The following CEP104 variants were observed in gnomAD, a reference collection of about 807,000 sequenced individuals.
The protein encoded by CEP104 is centrosomal protein of 104 kDa.
In CEP104, 84 loss-of-function variants were observed where a neutral mutation model predicts 113.3. The ratio of observed to expected loss-of-function variants is 0.74; its 90% CI spans 0.62 to 0.89. The LOEUF (loss-of-function observed/expected upper bound fraction) is 0.89. Among genes scored for constraint, CEP104 ranks in the 40% least tolerant of loss-of-function variants. The pLI is 0.00. For synonymous variants in CEP104, 378 were observed against 421.7 expected (o/e 0.90, Z 1.27); for missense variants, 1,053 against 1,156.6 (o/e 0.91, Z 1.30).
In CEP104 at chr1:3,843,068, G is replaced by A. The variant is rs115705892; in HGVS notation, c.566+1839C>T. The A allele has an allele frequency of 2.1e-3, 1,159 of 545,648 alleles. 10 individuals are homozygous for A. The highest frequency in any genetic ancestry group is 0.02 in the African/African-American group (1,012 of 50,178). The allele number at this position is 545,648 out of a possible 1,614,324, so 33.8% of individuals were successfully genotyped here. On this transcript the variant is annotated intron_variant, in intron 6 of 21. Transcript: ENST00000378230. The stretch of plus-strand genomic sequence containing the variant: ...CTCCCAAAGTGCTGGGATTACAGGC[G>A]TGCGACATAACGCTCAGCCTAAAAA...
In CEP104 at chr1:3,829,794, C is replaced by T; in HGVS notation, c.2040G>A (p.Met680Ile). ...AACTTCACCAAAGTTAACTCACCCTCATCTCAGCATCTGTAGCTCTGCCAT... is the reference window on the plus strand; with the variant it reads ...AACTTCACCAAAGTTAACTCACCCTTATCTCAGCATCTGTAGCTCTGCCAT... ...KIDGRATDAE[M>I]RARRKAATEE... is the part of the protein sequence containing the mutation. Residue 680 changes from methionine (M) to isoleucine (I), a missense_variant, in exon 14 of 22, where the codon ATG (methionine) becomes ATA (isoleucine). Transcript: ENST00000378230. The T allele has an allele frequency of 6.2e-7, 1 of 1,613,980 alleles. No homozygotes were observed. The highest frequency in any genetic ancestry group is 1.7e-5 in the Admixed American group (1 of 60,030).
chr1:3,822,853 A>G (rs1245152481), intron 20 of CEP104: 2 of 266,664 alleles, frequency 7.5e-6, no homozygotes, highest in Admixed American at 4.8e-5. Context: ...GATGTCACTG[A>G]GGGTCTCATT....
At position 3,831,152 on chromosome 1, in the gene CEP104, G is replaced by T; in HGVS notation, c.1730C>A (p.Ala577Glu). The T allele has an allele frequency of 6.2e-7, 1 of 1,614,242 alleles. No homozygotes were observed. Among genetic ancestry groups the T allele is most frequent in the Non-Finnish European group, 8.5e-7 (1 of 1,180,036 alleles). ...CATTGCCAGGTGAACTGAAGAGTTT[G>T]CTTTCAATGGCTGCACCAGGTAGGA... Reference protein sequence around the residue: ...IPSYLVQPLKANSSVHLAMSQ... With the variant: ...IPSYLVQPLKENSSVHLAMSQ... The change falls in exon 13 of 22, where the codon GCA becomes GAA. Residue 577 changes from alanine (A) to glutamate (E), a missense_variant. Coordinates refer to ENST00000378230, the MANE Select transcript of CEP104 (RefSeq NM_014704.4).
At chr1:3,835,429 G>A (rs1469798228) in intron 10 of CEP104, among the ~76,000 whole-genome samples, 1 of 152,208 alleles carries the variant, frequency 6.6e-6, no homozygotes, top group Non-Finnish European at 1.5e-5. Context: ...AGGCTGGAGT[G>A]CAGTGGCTCG....
intron 12 of CEP104, among the ~76,000 whole-genome samples, chr1:3,832,743 G>C (rs1644240526): frequency 6.6e-6 from 1 of 152,182 alleles, no homozygotes; most frequent in Non-Finnish European, 1.5e-5. Flanking sequence ...AGAGTACAGT[G>C]GCGAGATCAC....
At chr1:3,853,148 T>C (rs569711351) in intron 1 of CEP104, among the ~76,000 whole-genome samples, 73 of 152,202 alleles carry the variant, frequency 4.8e-4, no homozygotes, top group Non-Finnish European at 9.4e-4. Context: ...TAATTAGTTA[T>C]ACAATACCAA....
At chr1:3,816,142 A>G in intron 21 of CEP104, 138 bp downstream of exon 21, 2 of 684,250 alleles carry the variant, frequency 2.9e-6, no homozygotes, top group Non-Finnish European at 4.7e-6. Flanking sequence ...GAACCAGAAC[A>G]TGAAGACAGG....
At position 3,813,135 on chromosome 1, in the gene CEP104, A is replaced by T. The variant is rs1464149193; in HGVS notation, c.*2267T>A. ...AGAAGTGTTTTGTCTGTATTTTAAA[A>T]ATGGATTAGAAAATAATGGCCAACA... On this transcript the variant is annotated 3_prime_UTR_variant, in exon 22 of 22. Transcript: ENST00000378230. 2 of 152,170 alleles carry T rather than the reference A, an allele frequency of 1.3e-5. No individual in the cohort carries two copies. Among genetic ancestry groups the T allele is most frequent in the African/African-American group, 4.8e-5 (2 of 41,454 alleles). 9.4% of individuals were successfully genotyped at this position (152,170 alleles called of 1,614,324 possible).
rs754082531 is a variant in CEP104 at position 3,836,650 on chromosome 1, G to A, written c.1162C>T (p.Arg388Cys). The A allele has an allele frequency of 5.0e-6, 8 of 1,613,658 alleles. No homozygotes were observed. The highest frequency in any genetic ancestry group is 2.2e-5 in the South Asian group (2 of 91,056). Reference sequence around the variant, plus strand: ...ACCACTGCCTCCCCATAATGCTTACGAATAGCTGGAAGAGGCCGCTCATCG... The same window carrying A: ...ACCACTGCCTCCCCATAATGCTTACAAATAGCTGGAAGAGGCCGCTCATCG... ...PYDERPLPAI[R>C]KHYGEAVVEP... The change falls in exon 10 of 22, where the codon CGT (arginine) becomes TGT (cysteine). Residue 388 changes from arginine (R) to cysteine (C), a missense_variant. Coordinates refer to ENST00000378230, the MANE Select transcript of CEP104 (RefSeq NM_014704.4).
Position 3,834,997 on chromosome 1 carries a change from T to C in CEP104, c.1413A>G (p.Lys471=). Residue 471 remains lysine (K), a synonymous_variant, in exon 11 of 22, where the codon AAA becomes AAG. Transcript: ENST00000378230. ...CTCTCAGTGTGTTCTTTAAATCTTC[T>C]TTTGGGGTTCCAACAGGCATTTCCA... ...KLMEMPVGTP[K]EDLKNTLRAS... 6.2e-7 allele frequency: 1 copy of C among 1,613,860 alleles called. No individual in the cohort carries two copies. The highest frequency in any genetic ancestry group is 8.5e-7 in the Non-Finnish European group (1 of 1,179,880).
At chr1:3,816,394 G>C (rs1213421771) in intron 20 of CEP104, 24 bp from the exon 21 acceptor site, 3 of 1,538,680 alleles carry the variant, frequency 1.9e-6, no homozygotes, top group African/African-American at 2.8e-5. Flanking sequence ...GGCACACAGA[G>C]TGTTAATCAG....
At chr1:3,843,340 A>G (rs1201867985) in intron 6 of CEP104, 1 of 539,414 alleles carries the variant, frequency 1.9e-6, no homozygotes, top group South Asian at 2.4e-5. Flanking sequence ...AAAAAAAAAA[A>G]GAGGAAGCGG....
intron 15 of CEP104, 61 bp from the exon 16 acceptor site, chr1:3,826,805 T>C: frequency 2.0e-6 from 3 of 1,490,056 alleles, no homozygotes; most frequent in Non-Finnish European, 1.9e-6. Context: ...AGTGAGAGCC[T>C]GTTGAAGATA....
intron 1 of CEP104, among the ~76,000 whole-genome samples, chr1:3,854,704 C>T (rs1185572258): frequency 6.8e-6 from 1 of 146,040 alleles, no homozygotes; most frequent in Non-Finnish European, 1.5e-5. Flanking sequence ...AGGCTGGTCT[C>T]GAACTCCTGG....
In CEP104 at chr1:3,844,991, G is replaced by A. The variant is rs1397467193; in HGVS notation, c.490-8C>T. On this transcript the variant is annotated splice_region_variant and splice_polypyrimidine_tract_variant and intron_variant, in intron 5 of 21. Coordinates refer to ENST00000378230, the MANE Select transcript of CEP104 (RefSeq NM_014704.4). ...CAACTTCTCTCGAGAGGCCTTTGGG[G>A]GCAAAACATCTGCTTAGTGTCTCAG... 8 of 1,611,980 alleles carry A rather than the reference G, an allele frequency of 5.0e-6. No individual in the cohort carries two copies. The highest frequency in any genetic ancestry group is 1.1e-5 in the South Asian group (1 of 91,048).
At chr1:3,821,995 A>T (rs1483708673) in intron 20 of CEP104, among the ~76,000 whole-genome samples, 1 of 152,212 alleles carries the variant, frequency 6.6e-6, no homozygotes, top group Non-Finnish European at 1.5e-5. Flanking sequence ...TGGCTGTGTA[A>T]AGAAGTCCCG....
intron 2 of CEP104, 30 bp from the exon 3 acceptor site, chr1:3,848,811 G>T: frequency 6.3e-7 from 1 of 1,587,428 alleles, no homozygotes. Context: ...TATATTTTCT[G>T]AACAACTTCT....
chr1:3,852,208 G>A, intron 2 of CEP104, 87 bp downstream of exon 2: 1 of 1,290,914 alleles, frequency 7.7e-7, no homozygotes, highest in Non-Finnish European at 1.0e-6. Context: ...AGTAAAATCT[G>A]AGGCTCTGAA....
chr1:3,855,957 G>A, intron 1 of CEP104: 2 of 985,320 alleles, frequency 2.0e-6, no homozygotes, highest in Non-Finnish European at 2.4e-6. Flanking sequence ...CCCAGGCAGC[G>A]ATGACTCCAT....
Sources: allele counts gnomAD v4.1 joint callset (sites outside exome capture counted in the v4.1 genomes callset), GRCh38; gene constraint gnomAD v4.1.1; transcripts MANE v1.5; gene names NCBI Gene and HGNC (gene_info 2026-07-23, HGNC 2026-07-21).